DPP10: variants seen among roughly 807,000 people sequenced by gnomAD.
DPP10 encodes dipeptidyl peptidase like 10.
A neutral mutation model predicts 120.9 loss-of-function variants in DPP10; 33 were observed. The ratio of observed to expected loss-of-function variants is 0.27; its 90% CI spans 0.21 to 0.37. The LOEUF (loss-of-function observed/expected upper bound fraction) is 0.37. DPP10 is among the 10% of genes least tolerant of loss of function. The probability of loss-of-function intolerance (pLI) is 1.00; values close to 1 mark genes in which losing one functional copy is unlikely to be tolerated. For synonymous variants in DPP10, 337 were observed against 326.1 expected, an observed-to-expected ratio of 1.03 and a Z score of -0.36; for missense variants, 816 against 942.8, an observed-to-expected ratio of 0.87 and a Z score of 1.76.
intron 1 of DPP10, among the ~76,000 whole-genome samples, chr2:115,227,508 A>ATG (rs1183498184): frequency 6.6e-6 from 1 of 152,154 alleles, no homozygotes; most frequent in Non-Finnish European, 1.5e-5. Flanking sequence ...AGCTATATAT[A>ATG]TCTGCTGCCA....
At chr2:114,507,875 C>T (rs1017587499) in intron 1 of DPP10, among the ~76,000 whole-genome samples, 2 of 152,164 alleles carry the variant, frequency 1.3e-5, no homozygotes, top group African/African-American at 2.4e-5. Context: ...ATGGTAATTG[C>T]TCAATAAAAT....
chr2:115,616,422 C>G (rs1045165703), intron 5 of DPP10, among the ~76,000 whole-genome samples: 1 of 151,680 alleles, frequency 6.6e-6, no homozygotes, highest in African/African-American at 2.4e-5. Flanking sequence ...GCTTTAATCC[C>G]CCAGTATCCC....
chr2:114,779,601 C>T (rs1682093564), intron 1 of DPP10, among the ~76,000 whole-genome samples: 1 of 152,108 alleles, frequency 6.6e-6, no homozygotes, highest in South Asian at 2.1e-4. Context: ...CATATCCCAA[C>T]ATAACTTGAC....
chr2:115,443,382 T>A (rs953569855), intron 3 of DPP10, among the ~76,000 whole-genome samples: 1 of 152,198 alleles, frequency 6.6e-6, no homozygotes, highest in Non-Finnish European at 1.5e-5. Flanking sequence ...ACTCATGGAC[T>A]GTGAAACACT....
intron 1 of DPP10, among the ~76,000 whole-genome samples, chr2:114,896,210 G>A (rs530902123): frequency 1.3e-5 from 2 of 152,100 alleles, no homozygotes; most frequent in South Asian, 2.1e-4. Context: ...TTGACTTGGC[G>A]ATGCGGGCTC....
chr2:114,623,324 G>C (rs2105339809), intron 1 of DPP10, among the ~76,000 whole-genome samples: 1 of 152,190 alleles, frequency 6.6e-6, no homozygotes, highest in Middle Eastern at 3.4e-3. Context: ...TATAGAAACG[G>C]TCAATGTTTT....
chr2:115,753,125 A>G lies in DPP10; in HGVS notation c.951-49A>G, dbSNP rs756305021. On this transcript the variant is annotated intron_variant, in intron 10 of 25. Coordinates refer to ENST00000410059, the MANE Select transcript of DPP10 (RefSeq NM_020868.6). ...GGCAAATGTATATTGTTGGTACTAT[A>G]TCAATGCTCTGGCTCTAAACATACA... 2.5e-6 allele frequency: 4 copies of G among 1,570,660 alleles called. No homozygotes were observed. The South Asian group carries it at 4.7e-5, about 18-fold the overall frequency.
Position 115,042,276 on chromosome 2 carries a change from AT to A in DPP10, c.61-266953del, listed in dbSNP as rs1039029248. The stretch of plus-strand genomic sequence containing the variant: ...ATCTAGTGTCATTGCTATTGTAATT[AT>A]TTTTTTTTTGACAGGGCCTCACTGT... On this transcript the variant is annotated intron_variant, in intron 1 of 25. Coordinates refer to ENST00000410059, the MANE Select transcript of DPP10 (RefSeq NM_020868.6). Among the ~76,000 whole-genome samples, 23 of 149,572 alleles carry A rather than the reference AT, an allele frequency of 1.5e-4. No homozygotes were observed. In the Middle Eastern group the frequency reaches 0.014, roughly 88 times the overall value.
chr2:115,470,517 C>T (rs1003824046), intron 3 of DPP10, among the ~76,000 whole-genome samples: 1 of 151,868 alleles, frequency 6.6e-6, no homozygotes, highest in East Asian at 1.9e-4. Context: ...TGAGAGGGTT[C>T]GAAGCCCATT....
At chr2:114,846,345 A>G (rs938346352) in intron 1 of DPP10, among the ~76,000 whole-genome samples, 1 of 152,182 alleles carries the variant, frequency 6.6e-6, no homozygotes, top group Non-Finnish European at 1.5e-5. Context: ...CTCAAAAAAT[A>G]TTCCAGAGGA....
rs539071267 is a variant in DPP10, at chr2:115,844,028, C to A, written c.*1683C>A. 6.6e-6 allele frequency: 1 copy of A among 152,614 alleles called. No individual in the cohort carries two copies. Among genetic ancestry groups the A allele is most frequent in the South Asian group, 2.1e-4 (1 of 4,828 alleles). 9.5% of individuals were successfully genotyped at this position (152,614 alleles called of 1,614,324 possible). On this transcript the variant is annotated 3_prime_UTR_variant, in exon 26 of 26. Transcript: ENST00000410059. Reference sequence around the variant, plus strand: ...TGGTATTCAACTTTTTCCCTGGATGCTTTGGAATCGTGTCTTCCATGCTCC... The same window carrying A: ...TGGTATTCAACTTTTTCCCTGGATGATTTGGAATCGTGTCTTCCATGCTCC...
At chr2:115,450,263 A>G (rs1305194797) in intron 3 of DPP10, among the ~76,000 whole-genome samples, 3 of 152,028 alleles carry the variant, frequency 2.0e-5, no homozygotes, top group Non-Finnish European at 4.4e-5. Context: ...AAGGTGTTGA[A>G]TATCTCATGA....
At chr2:115,112,388 C>T (rs1034915600) in intron 1 of DPP10, among the ~76,000 whole-genome samples, 6 of 151,812 alleles carry the variant, frequency 4.0e-5, no homozygotes, top group African/African-American at 1.5e-4. Flanking sequence ...TCTTTTACTT[C>T]TTTTTATATG....
intron 1 of DPP10, among the ~76,000 whole-genome samples, chr2:114,491,140 C>T (rs1355015386): frequency 1.3e-5 from 2 of 152,056 alleles, no homozygotes; most frequent in Non-Finnish European, 2.9e-5. Context: ...CTGATGGACT[C>T]CTGCATACTC....
chr2:115,594,345 C>T (rs940471504), intron 5 of DPP10, among the ~76,000 whole-genome samples: 2 of 152,076 alleles, frequency 1.3e-5, no homozygotes, highest in African/African-American at 4.8e-5. Flanking sequence ...AAGAAATATG[C>T]TTCTAAGTTT....
chr2:115,526,685 C>T (rs754631488), intron 5 of DPP10, among the ~76,000 whole-genome samples: 6 of 152,014 alleles, frequency 3.9e-5, no homozygotes, highest in Admixed American at 6.6e-5. Flanking sequence ...CATTCAAGGA[C>T]GTTTATGAGC....
chr2:114,521,443 A>G (rs1050901356), intron 1 of DPP10, among the ~76,000 whole-genome samples: 1 of 152,180 alleles, frequency 6.6e-6, no homozygotes, highest in African/African-American at 2.4e-5. Context: ...ATAATCACAG[A>G]AAAAGAAATG....
chr2:114,903,902 C>T (rs1693780603), intron 1 of DPP10, among the ~76,000 whole-genome samples: 1 of 152,238 alleles, frequency 6.6e-6, no homozygotes, highest in Non-Finnish European at 1.5e-5. Flanking sequence ...ATCTGCCTTA[C>T]AGGCATCTTG....
chr2:115,603,538 ACTG>A (rs1341097823), intron 5 of DPP10, among the ~76,000 whole-genome samples: 3 of 141,670 alleles, frequency 2.1e-5, no homozygotes, highest in Non-Finnish European at 3.0e-5. Context: ...CCTCTCCACT[ACTG>A]TGTGTTTTCG....
Sources: allele counts gnomAD v4.1 joint callset (sites outside exome capture counted in the v4.1 genomes callset), GRCh38; gene constraint gnomAD v4.1.1; transcripts MANE v1.5; gene names NCBI Gene and HGNC (gene_info 2026-07-23, HGNC 2026-07-21).